The following PIK3CD variants were observed in gnomAD, a reference collection of about 807,000 sequenced individuals.
The protein encoded by PIK3CD is phosphatidylinositol 4,5-bisphosphate 3-kinase catalytic subunit delta isoform.
PIK3CD carries 20 observed loss-of-function variants against 122.9 expected under a neutral mutation model. That is an observed-to-expected ratio of 0.16 (90% CI 0.11 to 0.24). The LOEUF is 0.24. Among genes scored for constraint, PIK3CD ranks in the 10% least tolerant of loss-of-function variants. PIK3CD has a pLI of 1.00. For synonymous variants in PIK3CD, 596 were observed against 593.4 expected, an observed-to-expected ratio of 1.00 and a Z score of -0.06; for missense variants, 787 against 1,406.3, an observed-to-expected ratio of 0.56 and a Z score of 7.04.
the PIK3CD span, among the ~76,000 whole-genome samples, chr1:9,636,445 TG>T: frequency 6.6e-6 from 1 of 152,186 alleles, no homozygotes; most frequent in Non-Finnish European, 1.5e-5. Context: ...CCACCCACCT[TG>T]GCCTCCCAAA....
In PIK3CD at chr1:9,715,918, G is replaced by A; in HGVS notation, c.440G>A (p.Cys147Tyr). ...NDFRAKMCQF[C>Y]EEAAARRQQL... ...TTTCGCGCCAAGATGTGCCAATTCT[G>A]CGAGGAGGCGGCCGCCCGCCGGCAG... is the stretch of plus-strand genomic sequence containing the variant. Residue 147 changes from cysteine to tyrosine, a missense_variant, in exon 5 of 24, where the codon TGC becomes TAC. Around this residue, in one of 6 missense-constraint regions of PIK3CD, gnomAD observed 592 missense variants for 920.6 expected, o/e 0.64. Transcript: ENST00000377346. The surrounding 1 kb of genome is among the most constrained non-coding windows in gnomAD (Gnocchi z 4.1). The A allele has an allele frequency of 6.2e-7, 1 of 1,612,268 alleles. No homozygotes were observed. Among genetic ancestry groups the A allele is most frequent in the Non-Finnish European group, 8.5e-7 (1 of 1,179,804 alleles).
rs1048917590 is a variant in PIK3CD, at chr1:9,729,017, C to T, written c.*1971C>T. ...ACAGGAGAGAAGACAAACCCCGCTC[C>T]GGCTGGAGTTAGTTAGAACCAGAAC... On this transcript the variant is annotated 3_prime_UTR_variant, in exon 24 of 24. Transcript: ENST00000377346. 2.0e-5 allele frequency: 3 copies of T among 152,206 alleles called. No homozygotes were observed. In the East Asian group the frequency reaches 5.8e-4, roughly 29 times the overall value. 9.4% of individuals were successfully genotyped at this position (152,206 alleles called of 1,614,324 possible).
rs1478538122 is a variant in PIK3CD at position 9,723,589 on chromosome 1, G to A, written c.2594+297G>A. On this transcript the variant is annotated intron_variant, in intron 20 of 23. Transcript: ENST00000377346. The surrounding 1 kb of genome is among the most constrained non-coding windows in gnomAD (Gnocchi z 4.9). ...GGCTCAGCCGGGTGGCTTTTCTGCT[G>A]GTTCCACATAATCACTCATGCAGCT... 1.3e-5 allele frequency among the ~76,000 whole-genome samples: 2 copies of A among 152,190 alleles called. No individual in the cohort carries two copies. Among genetic ancestry groups the A allele is most frequent in the Non-Finnish European group, 1.5e-5 (1 of 68,032 alleles).
the PIK3CD span, among the ~76,000 whole-genome samples, chr1:9,630,434 T>C: frequency 1.3e-5 from 2 of 152,224 alleles, no homozygotes; most frequent in African/African-American, 4.8e-5. Context: ...ACATCACTCA[T>C]GTATTCCTTC....
chr1:9,691,007 C>A (rs1646177745), intron 1 of PIK3CD, among the ~76,000 whole-genome samples: 1 of 152,182 alleles, frequency 6.6e-6, no homozygotes, highest in South Asian at 2.1e-4. Context: ...TCCTTTTTAT[C>A]TCCAGCCCAA....
At chr1:9,665,098 G>A (rs1026312163) in intron 1 of PIK3CD, among the ~76,000 whole-genome samples, 6 of 151,496 alleles carry the variant, frequency 4.0e-5, no homozygotes, top group Non-Finnish European at 7.4e-5. Flanking sequence ...CAGCTACTTG[G>A]GAGGCTGAGG....
At chr1:9,654,915 A>T (rs1460583846) in intron 1 of PIK3CD, among the ~76,000 whole-genome samples, 1 of 151,980 alleles carries the variant, frequency 6.6e-6, no homozygotes, top group Non-Finnish European at 1.5e-5. Flanking sequence ...CAAAAAAAAA[A>T]AATTAGCTGG....
At chr1:9,675,401 A>G (rs1322195168) in intron 1 of PIK3CD, among the ~76,000 whole-genome samples, 2 of 151,910 alleles carry the variant, frequency 1.3e-5, no homozygotes, top group South Asian at 4.1e-4. Context: ...AAAAAAAAAA[A>G]AAAAAAAGAC....
In PIK3CD at chr1:9,718,950, C is replaced by T; in HGVS notation, c.1242+35C>T. On this transcript the variant is annotated intron_variant, in intron 9 of 23. Coordinates refer to ENST00000377346, the MANE Select transcript of PIK3CD (RefSeq NM_005026.5). This position sits in a 1 kb window ranked among gnomAD's most constrained non-coding sequence, Gnocchi z 7.2. Reference sequence around the variant, plus strand: ...AGGGCCGGCTGGGAGGGGTGCAGACCCCGGAGAGCCAGTACAGCCCCTTGC... The same window carrying T: ...AGGGCCGGCTGGGAGGGGTGCAGACTCCGGAGAGCCAGTACAGCCCCTTGC... 1 of 1,588,990 alleles carries T rather than the reference C, an allele frequency of 6.3e-7. No homozygotes were observed. Among genetic ancestry groups the T allele is most frequent in the East Asian group, 2.2e-5 (1 of 44,630 alleles).
At chr1:9,714,508 G>GTTTTTTATTAGGGGTTTT in intron 3 of PIK3CD, among the ~76,000 whole-genome samples, 1 of 152,164 alleles carries the variant, frequency 6.6e-6, no homozygotes, top group South Asian at 2.1e-4. Flanking sequence ...GGGTTTTTTT[G>GTTTTTTATTAGGGGTTTT]TTTGTTTTTT....
At chr1:9,667,265 A>G (rs1645188058) in intron 1 of PIK3CD, among the ~76,000 whole-genome samples, 1 of 152,158 alleles carries the variant, frequency 6.6e-6, no homozygotes, top group Non-Finnish European at 1.5e-5. Flanking sequence ...CAGGAATTCA[A>G]GGTTGCCAAG....
intron 1 of PIK3CD, among the ~76,000 whole-genome samples, chr1:9,676,413 C>T (rs2101064821): frequency 6.6e-6 from 1 of 152,364 alleles, no homozygotes. Context: ...GCGTCTTGGA[C>T]TCTGATCCTC....
chr1:9,726,012 G>A (rs1165819627), intron 23 of PIK3CD, among the ~76,000 whole-genome samples: 1 of 151,986 alleles, frequency 6.6e-6, no homozygotes, highest in Non-Finnish European at 1.5e-5. Flanking sequence ...AGGAGTTTGA[G>A]ACCAGCCTGG....
At chr1:9,670,887 A>G (rs1645301402) in intron 1 of PIK3CD, among the ~76,000 whole-genome samples, 1 of 151,522 alleles carries the variant, frequency 6.6e-6, no homozygotes, top group African/African-American at 2.4e-5. Context: ...CCTCCCGAGT[A>G]GCTGGGACCA....
Position 9,689,515 on chromosome 1 carries a change from A to G in PIK3CD, c.-137-1952A>G, listed in dbSNP as rs1360169500. Among the ~76,000 whole-genome samples the G allele has an allele frequency of 4.6e-5, 4 of 87,800 alleles. No individual in the cohort carries two copies. The highest frequency in any genetic ancestry group is 8.8e-5 in the African/African-American group (2 of 22,702). The allele number at this position is 87,800 out of a possible 152,430, so 57.6% of individuals were successfully genotyped here. On this transcript the variant is annotated intron_variant, in intron 1 of 23. Coordinates refer to ENST00000377346, the MANE Select transcript of PIK3CD (RefSeq NM_005026.5). The surrounding 1 kb of genome is among the most constrained non-coding windows in gnomAD (Gnocchi z 6.1). ...CAGCCGGCGCCCCGCCCCGCCTGCCAGTAGTCCCAGCCCCGCCCCGGGCCG... is the reference window on the plus strand; with the variant it reads ...CAGCCGGCGCCCCGCCCCGCCTGCCGGTAGTCCCAGCCCCGCCCCGGGCCG...
In PIK3CD at chr1:9,710,632, C is replaced by CAGAG. The variant is rs34885574; in HGVS notation, c.141+56_141+59dup. 2,052 of 1,527,172 alleles carry CAGAG rather than the reference C, an allele frequency of 1.3e-3. 2 individuals carry two copies. Among genetic ancestry groups the CAGAG allele is most frequent in the African/African-American group, 9.4e-3 (679 of 72,014 alleles). The allele number at this position is 1,527,172 out of a possible 1,614,324, so 94.6% of individuals were successfully genotyped here. ...CATCCGGTCCTCAGACCTTGGTGCT[C>CAGAG]AGAGAGAGAGAGAGAGAGAGAGACA... On this transcript the variant is annotated intron_variant, in intron 3 of 23. Transcript: ENST00000377346. This position sits in a 1 kb window ranked among gnomAD's most constrained non-coding sequence, Gnocchi z 4.7.
At chr1:9,655,991 G>A (rs554422913) in intron 1 of PIK3CD, among the ~76,000 whole-genome samples, 42 of 152,248 alleles carry the variant, frequency 2.8e-4, no homozygotes, top group African/African-American at 5.1e-4. Flanking sequence ...GCCACCATGC[G>A]CGGCCTTCCT....
At chr1:9,638,844 C>T in the PIK3CD span, among the ~76,000 whole-genome samples, 1 of 141,690 alleles carries the variant, frequency 7.1e-6, no homozygotes. Context: ...GGTGTGATCT[C>T]GGCTCACTGC....
intron 1 of PIK3CD, among the ~76,000 whole-genome samples, chr1:9,658,521 A>ATT (rs1165670404): frequency 0.016 from 1,417 of 91,050 alleles, 132 homozygotes; most frequent in African/African-American, 0.063. Flanking sequence ...TCCCAGCCAC[A>ATT]TTTTTTTTTT....
Sources: gnomAD v4.1 joint callset for allele counts (sites outside exome capture counted in the v4.1 genomes callset) on GRCh38, gnomAD v4.1.1 for gene constraint, gnomAD v4.1.1 regional missense constraint, Gnocchi (gnomAD v3.1) non-coding constraint, MANE v1.5 for transcripts, NCBI Gene and HGNC (gene_info 2026-07-23, HGNC 2026-07-21) for gene names.